Variants in DMAC2L observed in about 807,000 individuals in gnomAD.
DMAC2L encodes the protein distal membrane arm assembly component 2 like.
DMAC2L carries 21 observed loss-of-function variants against 22.5 expected under a neutral mutation model. The ratio of observed to expected loss-of-function variants is 0.93; its 90% confidence interval spans 0.66 to 1.34. The LOEUF is 1.34. DMAC2L is among the 40% of genes most tolerant of loss of function. The probability of loss-of-function intolerance (pLI) is 0.00; values close to 1 mark genes in which losing one functional copy is unlikely to be tolerated. For synonymous variants in DMAC2L, 86 were observed against 89.5 expected, an observed-to-expected ratio of 0.96 and a Z score of 0.22; for missense variants, 239 against 246.5, an observed-to-expected ratio of 0.97 and a Z score of 0.20.
At chr14:50,325,123 T>G (rs1189348985) in intron 5 of DMAC2L, among the ~76,000 whole-genome samples, 1 of 105,566 alleles carries the variant, frequency 9.5e-6, no homozygotes, top group Admixed American at 9.3e-5. Flanking sequence ...AACATTCAAA[T>G]TATGTATCTA....
intron 3 of DMAC2L, 41 bp downstream of exon 3, chr14:50,321,635 T>C (rs2032286317): frequency 7.0e-7 from 1 of 1,433,794 alleles, no homozygotes. Flanking sequence ...TGGAGATGGT[T>C]ACAGCTAAAT....
At chr14:50,320,553 CTAA>C (rs2032183020) in intron 2 of DMAC2L, among the ~76,000 whole-genome samples, 1 of 152,208 alleles carries the variant, frequency 6.6e-6, no homozygotes, top group African/African-American at 2.4e-5. Context: ...CCTGCTTCAG[CTAA>C]TAATCTGGCA....
At chr14:50,312,950 C>T in intron 1 of DMAC2L, 3 of 1,592,492 alleles carry the variant, frequency 1.9e-6, no homozygotes, top group East Asian at 2.2e-5. Flanking sequence ...AAGAACCAGA[C>T]AGCTCGGTTT....
chr14:50,324,269 C>G (rs2032523696), intron 5 of DMAC2L, 153 bp downstream of exon 5: 2 of 730,260 alleles, frequency 2.7e-6, no homozygotes, highest in Admixed American at 6.8e-5. Flanking sequence ...TTTAAAACAG[C>G]TAAAATGATC....
intron 2 of DMAC2L, among the ~76,000 whole-genome samples, chr14:50,320,647 C>A (rs1298176010): frequency 1.3e-5 from 2 of 152,192 alleles, no homozygotes; most frequent in Admixed American, 1.3e-4. Context: ...CAAGTTCTGT[C>A]ACTTATTTTA....
At chr14:50,325,026 G>A (rs377461914) in intron 5 of DMAC2L, among the ~76,000 whole-genome samples, 12 of 152,124 alleles carry the variant, frequency 7.9e-5, no homozygotes, top group African/African-American at 2.7e-4. Flanking sequence ...CGCCCGCCTC[G>A]GCCTCCCAAA....
intron 1 of DMAC2L, among the ~76,000 whole-genome samples, chr14:50,313,282 T>G (rs1445665797): frequency 6.6e-6 from 1 of 152,226 alleles, no homozygotes; most frequent in Non-Finnish European, 1.5e-5. Flanking sequence ...TCTAAGAATC[T>G]TGGTTCCAGT....
In DMAC2L at chr14:50,327,702, A is replaced by T. The variant is rs1019572564; in HGVS notation, c.*1979A>T. 1.3e-5 allele frequency: 2 copies of T among 151,954 alleles called. No homozygotes were observed. Among genetic ancestry groups the T allele is most frequent in the Non-Finnish European group, 2.9e-5 (2 of 67,978 alleles). The allele number at this position is 151,954 out of a possible 1,614,324, so 9.4% of individuals were successfully genotyped here. ...CTGGTCTTGAACTCCTAACCTCAGG[A>T]TCCACCCGCCTCGGCCTCCCAAAGT... On this transcript the variant is annotated 3_prime_UTR_variant, in exon 6 of 6. Transcript: ENST00000557421.
upstream of DMAC2L, among the ~76,000 whole-genome samples, chr14:50,311,825 G>C (rs1312449323): frequency 6.6e-6 from 1 of 152,270 alleles, no homozygotes. Context: ...CCTTTCCTCC[G>C]GCCCGTAAAT....
upstream of DMAC2L, chr14:50,312,279 G>A: frequency 7.2e-7 from 1 of 1,394,950 alleles, no homozygotes; most frequent in South Asian, 1.3e-5. Context: ...CGCCCCATGT[G>A]GGAGAGGCTG....
In DMAC2L at chr14:50,312,349, G is replaced by C; in HGVS notation, c.-82G>C. On this transcript the variant is annotated 5_prime_UTR_variant, in exon 1 of 6. Transcript: ENST00000557421. The stretch of plus-strand genomic sequence containing the variant: ...GGGCCGGCCAGGGTGCCGCAGACGC[G>C]GGGACGCTGGCTCGCTCCCTCCCTC... 1 of 693,676 alleles carries C rather than the reference G, an allele frequency of 1.4e-6. No individual in the cohort carries two copies. The highest frequency in any genetic ancestry group is 2.8e-5 in the East Asian group (1 of 36,262). The allele number at this position is 693,676 out of a possible 1,614,324, so 43.0% of individuals were successfully genotyped here.
chr14:50,315,213 G>A (rs77284281), intron 2 of DMAC2L, among the ~76,000 whole-genome samples: 116 of 150,994 alleles, frequency 7.7e-4, no homozygotes, highest in Middle Eastern at 3.5e-3. Flanking sequence ...TGATCCACCC[G>A]CCTCGGCCTC....
intron 2 of DMAC2L, chr14:50,318,975 C>T: frequency 1.0e-6 from 1 of 963,476 alleles, no homozygotes; most frequent in Non-Finnish European, 1.2e-6. Context: ...ACCATTGTTG[C>T]CTTTGCACTA....
rs571421445 is a variant in DMAC2L, at chr14:50,319,861, G to A, written c.-5-1622G>A. Reference sequence around the variant, plus strand: ...CAGTGACCCAGGGCCAAAACTTGGTGTCATTTTCAACTCCTCTAGCCCTTG... The same window carrying A: ...CAGTGACCCAGGGCCAAAACTTGGTATCATTTTCAACTCCTCTAGCCCTTG... On this transcript the variant is annotated intron_variant, in intron 2 of 5. Transcript: ENST00000557421. Among the ~76,000 whole-genome samples, 5 of 152,292 alleles carry A rather than the reference G, an allele frequency of 3.3e-5. No individual in the cohort carries two copies. In the East Asian group the frequency reaches 7.7e-4, roughly 23 times the overall value.
At chr14:50,324,773 T>TTTTG (rs374542136) in intron 5 of DMAC2L, 1 of 152,238 alleles carries the variant, frequency 6.6e-6, no homozygotes, top group Admixed American at 6.5e-5. Flanking sequence ...ATAGAAGTTT[T>TTTTG]TTTGTTTGTT....
At chr14:50,312,073 C>G, upstream of DMAC2L, 1 of 1,601,668 alleles carries the variant, frequency 6.2e-7, no homozygotes, top group Non-Finnish European at 8.5e-7. Context: ...CGAACCCGCA[C>G]GCCCCAGGGG....
At chr14:50,315,945 A>C (rs2031760890) in intron 2 of DMAC2L, among the ~76,000 whole-genome samples, 1 of 152,148 alleles carries the variant, frequency 6.6e-6, no homozygotes, top group East Asian at 1.9e-4. Context: ...TGCTCGATCA[A>C]ATGGTAGTTC....
At chr14:50,312,990 TC>T in intron 1 of DMAC2L, 1 of 1,614,160 alleles carries the variant, frequency 6.2e-7, no homozygotes, top group Non-Finnish European at 8.5e-7. Context: ...TGTGTCCTTT[TC>T]TTGAGTACTG....
At chr14:50,325,500 G>A (rs1230648412) in intron 5 of DMAC2L, 109 bp from the exon 6 acceptor site, 3 of 1,326,220 alleles carry the variant, frequency 2.3e-6, no homozygotes, top group South Asian at 1.4e-5. Flanking sequence ...TGAAGGCATA[G>A]GGTGATATAG....
Sources: allele counts gnomAD v4.1 joint callset (sites outside exome capture counted in the v4.1 genomes callset), GRCh38; gene constraint gnomAD v4.1.1; transcripts MANE v1.5; gene names NCBI Gene and HGNC (gene_info 2026-07-23, HGNC 2026-07-21).